SUSD5: variants seen among roughly 807,000 people sequenced by gnomAD.
The protein encoded by SUSD5 is sushi domain containing 5.
In SUSD5, 33 loss-of-function variants were observed where a neutral mutation model predicts 29.5. That is an observed-to-expected ratio of 1.12 (90% CI 0.85 to 1.49). The LOEUF (loss-of-function observed/expected upper bound fraction) is 1.49. Ranked by LOEUF, SUSD5 falls within the 40% of genes most tolerant of loss-of-function variation. The pLI, the probability that SUSD5 is intolerant of heterozygous loss-of-function variation, is 0.00. For synonymous variants in SUSD5, 308 were observed against 325.3 expected (o/e 0.95, Z 0.57); for missense variants, 776 against 800.6 (o/e 0.97, Z 0.37).
chr3:33,181,528 C>T (rs2031673231), intron 3 of SUSD5, among the ~76,000 whole-genome samples: 1 of 151,758 alleles, frequency 6.6e-6, no homozygotes, highest in African/African-American at 2.4e-5. Flanking sequence ...ACGTGCCACC[C>T]TGCCTAGATA....
At chr3:33,213,575 A>G (rs2032364587) in intron 2 of SUSD5, among the ~76,000 whole-genome samples, 1 of 152,138 alleles carries the variant, frequency 6.6e-6, no homozygotes, top group Admixed American at 6.5e-5. Context: ...GGAGTTCGAG[A>G]TCAGCCTGGC....
chr3:33,191,684 C>A (rs1575539305), intron 3 of SUSD5, among the ~76,000 whole-genome samples: 1 of 152,102 alleles, frequency 6.6e-6, no homozygotes, highest in African/African-American at 2.4e-5. Flanking sequence ...GTGGCTCACT[C>A]CTGTAATCCC....
Position 33,153,174 on chromosome 3 carries a change from C to G in SUSD5, c.1458G>C (p.Leu486=). 6.2e-7 allele frequency: 1 copy of G among 1,613,732 alleles called. No homozygotes were observed. The highest frequency in any genetic ancestry group is 8.5e-7 in the Non-Finnish European group (1 of 1,179,822). ...FITEESPMAT[L]SYELTSSTLE... The stretch of plus-strand genomic sequence containing the variant: ...GGGTGGAGCTGGTGAGCTCATAGGA[C>G]AGGGTGGCCATGGGAGATTCCTCTG... Residue 486 remains leucine (L), a synonymous_variant, in exon 5 of 5, where the codon CTG becomes CTC. Coordinates refer to ENST00000309558, the MANE Select transcript of SUSD5 (RefSeq NM_015551.2).
At chr3:33,215,379 T>C (rs2032409500) in intron 1 of SUSD5, among the ~76,000 whole-genome samples, 1 of 152,152 alleles carries the variant, frequency 6.6e-6, no homozygotes, top group African/African-American at 2.4e-5. Context: ...TACTGAGCTA[T>C]AAAGCAAATC....
chr3:33,154,367 C>CA (rs1201761116), intron 4 of SUSD5, among the ~76,000 whole-genome samples: 1 of 151,926 alleles, frequency 6.6e-6, no homozygotes. Context: ...TAATAAAATA[C>CA]AAAAAAATAG....
At chr3:33,217,575 C>T (rs886926149) in intron 1 of SUSD5, among the ~76,000 whole-genome samples, 2 of 152,150 alleles carry the variant, frequency 1.3e-5, no homozygotes, top group Non-Finnish European at 2.9e-5. Flanking sequence ...ATACGACATT[C>T]ATCCTTAATT....
chr3:33,156,150 C>T (rs185193800), intron 4 of SUSD5, among the ~76,000 whole-genome samples: 112 of 151,956 alleles, frequency 7.4e-4, no homozygotes, highest in Middle Eastern at 3.4e-3. Context: ...AAGCGATTCT[C>T]CTGCCTCGGC....
chr3:33,164,136 G>A (rs1034653029), intron 4 of SUSD5, among the ~76,000 whole-genome samples: 3 of 151,680 alleles, frequency 2.0e-5, no homozygotes, highest in East Asian at 1.9e-4. Context: ...ATCTTGCCAC[G>A]GCACTCCAGC....
intron 3 of SUSD5, among the ~76,000 whole-genome samples, chr3:33,198,575 T>A (rs140509734): frequency 1.5e-3 from 221 of 152,322 alleles, no homozygotes; most frequent in Non-Finnish European, 2.4e-3. Flanking sequence ...CTGAGAACCC[T>A]ACAATGGTTT....
chr3:33,161,433 T>C (rs1451398600), intron 4 of SUSD5, among the ~76,000 whole-genome samples: 1 of 152,050 alleles, frequency 6.6e-6, no homozygotes, highest in Non-Finnish European at 1.5e-5. Flanking sequence ...GCTTAATTGC[T>C]TCGAAAGAAG....
At chr3:33,181,506 G>A (rs1407057276) in intron 3 of SUSD5, among the ~76,000 whole-genome samples, 7 of 151,874 alleles carry the variant, frequency 4.6e-5, no homozygotes, top group Non-Finnish European at 1.0e-4. Flanking sequence ...CTGTGTAGCT[G>A]AGACCAAGAG....
intron 3 of SUSD5, among the ~76,000 whole-genome samples, chr3:33,193,497 T>C (rs1202229115): frequency 2.6e-5 from 4 of 152,092 alleles, no homozygotes; most frequent in Non-Finnish European, 4.4e-5. Context: ...GAGTATAAGT[T>C]TGGGACTTGT....
chr3:33,198,267 A>C (rs1418855327), intron 3 of SUSD5, among the ~76,000 whole-genome samples: 1 of 152,212 alleles, frequency 6.6e-6, no homozygotes, highest in Non-Finnish European at 1.5e-5. Context: ...TCCTCTTGAC[A>C]AATCTATGTC....
rs1026821786 is a variant in SUSD5, at chr3:33,204,474, C to T, written c.409+3334G>A. Among the ~76,000 whole-genome samples the T allele has an allele frequency of 2.0e-5, 3 of 152,044 alleles. No individual in the cohort carries two copies. The highest frequency in any genetic ancestry group is 7.2e-5 in the African/African-American group (3 of 41,398). ...CAGCTGGGACGACAGGTGCCCACTA[C>T]CACACCCGGCTAATTTTTTTGTATT... On this transcript the variant is annotated intron_variant, in intron 3 of 4. Coordinates refer to ENST00000309558, the MANE Select transcript of SUSD5 (RefSeq NM_015551.2). The surrounding 1 kb of genome is among the most constrained non-coding windows in gnomAD (Gnocchi z 4.5).
rs1428233992 is a variant in SUSD5, at chr3:33,167,821, C to T, written c.598+7065G>A. Among the ~76,000 whole-genome samples the T allele has an allele frequency of 1.3e-5, 2 of 152,176 alleles. No individual in the cohort carries two copies. The highest frequency in any genetic ancestry group is 4.8e-5 in the African/African-American group (2 of 41,442). On this transcript the variant is annotated intron_variant, in intron 4 of 4. Transcript: ENST00000309558. This position sits in a 1 kb window ranked among gnomAD's most constrained non-coding sequence, Gnocchi z 4.1. ...CTCTGCCTGTGGAGGTACTGTATCT[C>T]TCACCTCCCCTCTGCTTTCCTGAGT...
At chr3:33,178,410 T>C (rs888747800) in intron 3 of SUSD5, among the ~76,000 whole-genome samples, 2 of 152,054 alleles carry the variant, frequency 1.3e-5, no homozygotes, top group African/African-American at 4.8e-5. Flanking sequence ...ATTGCATCTA[T>C]GTTCATGAGA....
chr3:33,165,478 A>G (rs1487481753), intron 4 of SUSD5, among the ~76,000 whole-genome samples: 1 of 152,158 alleles, frequency 6.6e-6, no homozygotes, highest in Non-Finnish European at 1.5e-5. Flanking sequence ...GAACTCTATA[A>G]TATTTGATTT....
chr3:33,193,680 C>T (rs182906506), intron 3 of SUSD5, among the ~76,000 whole-genome samples: 23 of 152,124 alleles, frequency 1.5e-4, no homozygotes, highest in African/African-American at 5.3e-4. Context: ...GGTGAAACCA[C>T]CTTTGCAAAA....
Position 33,153,159 on chromosome 3 carries a change from G to C in SUSD5, c.1473C>G (p.Thr491=), listed in dbSNP as rs9867711. 6.0e-4 allele frequency: 974 copies of C among 1,613,812 alleles called. 6 individuals are homozygous for C. The African/African-American group carries it at 0.012, about 19-fold the overall frequency. ...CTGTTAATATCTCCAGGGTGGAGCT[G>C]GTGAGCTCATAGGACAGGGTGGCCA... The part of the protein sequence containing the change: ...SPMATLSYEL[T]SSTLEILTVN... Residue 491 remains threonine (T), a synonymous_variant, in exon 5 of 5, where the codon ACC becomes ACG. Transcript: ENST00000309558.
Sources: allele counts gnomAD v4.1 joint callset (sites outside exome capture counted in the v4.1 genomes callset), GRCh38; gene constraint gnomAD v4.1.1; non-coding constraint Gnocchi (gnomAD v3.1); transcripts MANE v1.5; gene names NCBI Gene and HGNC (gene_info 2026-07-23, HGNC 2026-07-21).